Variants in CYP11A1 observed in about 807,000 individuals in gnomAD.
CYP11A1 encodes cholesterol side-chain cleavage enzyme, mitochondrial.
Under a neutral mutation model 51.9 loss-of-function variants are expected in CYP11A1, and 25 were observed. That is an observed-to-expected ratio of 0.48 (90% CI 0.35 to 0.67). CYP11A1 has a LOEUF of 0.67. CYP11A1 is among the 30% of genes least tolerant of loss of function. The pLI, the probability that CYP11A1 is intolerant of heterozygous loss-of-function variation, is 0.00. For missense variants in CYP11A1, 578 were observed against 680.9 expected, an observed-to-expected ratio of 0.85 and a Z score of 1.68; for synonymous variants, 245 against 262.1, an observed-to-expected ratio of 0.93 and a Z score of 0.63.
At chr15:74,366,956 TC>T in intron 1 of CYP11A1, 1 of 290,016 alleles carries the variant, frequency 3.4e-6, no homozygotes, top group Non-Finnish European at 6.6e-6. Flanking sequence ...TCTCAAGTGA[TC>T]CGCCCACCTC....
In CYP11A1 at chr15:74,367,358, A is replaced by AATC. The variant is rs2060739009; in HGVS notation, c.227_228insGAT (p.Leu76_His77insIle). On this transcript the variant is annotated inframe_insertion, in exon 1 of 9. Coordinates refer to ENST00000268053, the MANE Select transcript of CYP11A1 (RefSeq NM_000781.3). ...ACTTCTGGAAATTCTGGACATGGTG[A>AATC]AGGTGGACTTTGTGTGTGCCCGTCT... 6.2e-7 allele frequency: 1 copy of AATC among 1,614,008 alleles called. No homozygotes were observed. The highest frequency in any genetic ancestry group is 1.3e-5 in the African/African-American group (1 of 74,914).
chr15:74,346,534 G>C (rs538054913), intron 2 of CYP11A1, among the ~76,000 whole-genome samples: 51 of 152,114 alleles, frequency 3.4e-4, no homozygotes, highest in African/African-American at 1.2e-3. Context: ...GGGCATTTCA[G>C]TAGCTTTCTG....
At chr15:74,362,853 A>G (rs2060715368) in intron 1 of CYP11A1, 1 of 152,244 alleles carries the variant, frequency 6.6e-6, no homozygotes, top group African/African-American at 2.4e-5. Flanking sequence ...AGCCTTATAC[A>G]TGGATAAAGG....
rs2060595038 is a variant in CYP11A1 at position 74,339,317 on chromosome 15, T to C, written c.1158-2A>G. 4 of 1,614,060 alleles carry C rather than the reference T, an allele frequency of 2.5e-6. No individual in the cohort carries two copies. The highest frequency in any genetic ancestry group is 3.4e-6 in the Non-Finnish European group (4 of 1,179,886). ...AGGGTCACGGAGATGGGGTGAAGTC[T>C]GCGGGAGGAGGGCACTCAGAAGCTG... On this transcript the variant is annotated splice_acceptor_variant, in intron 6 of 8. Coordinates refer to ENST00000268053, the MANE Select transcript of CYP11A1 (RefSeq NM_000781.3). LOFTEE classifies it high-confidence loss of function.
rs777789264 is a variant in CYP11A1, at chr15:74,348,046, G to A, written c.279C>T (p.Leu93=). The change falls in exon 2 of 9, where the codon CTC becomes CTT. Residue 93 remains leucine, a synonymous_variant. Coordinates refer to ENST00000268053, the MANE Select transcript of CYP11A1 (RefSeq NM_000781.3). The stretch of plus-strand genomic sequence containing the variant: ...TGACATAAACCGACTCCACGTTGCC[G>A]AGCTTCTCCCTGGAGGGGTGGGGGA... The part of the protein sequence containing the change: ...QKYGPIYREK[L]GNVESVYVID... The A allele has an allele frequency of 3.7e-6, 6 of 1,613,976 alleles. No individual in the cohort carries two copies. The highest frequency in any genetic ancestry group is 1.7e-5 in the Admixed American group (1 of 59,998).
chr15:74,343,976 AATGACGTTAGTG>A lies in CYP11A1; in HGVS notation c.630_641del (p.Thr211_Ile214del). The A allele has an allele frequency of 1.9e-6, 3 of 1,613,992 alleles. No individual in the cohort carries two copies. Among genetic ancestry groups the A allele is most frequent in the Non-Finnish European group, 2.5e-6 (3 of 1,180,010 alleles). ...CCAGCATCCCCTGGCGCTCCCCAAA[AATGACGTTAGTG>A]ATGGCTGCAGGGAGAGGAAGAGGCT... On this transcript the variant is annotated inframe_deletion, in exon 4 of 9. Transcript: ENST00000268053.
At chr15:74,340,830 C>G (rs564853418) in intron 5 of CYP11A1, among the ~76,000 whole-genome samples, 207 of 152,184 alleles carry the variant, frequency 1.4e-3, no homozygotes, top group Non-Finnish European at 2.5e-3. Flanking sequence ...TGCTGCTCCC[C>G]AATACCCCAC....
chr15:74,366,460 T>TTTTATTTTA (rs1555426894), intron 1 of CYP11A1, among the ~76,000 whole-genome samples: 3 of 137,690 alleles, frequency 2.2e-5, no homozygotes, highest in African/African-American at 8.3e-5. Flanking sequence ...ATTTTTTTTA[T>TTTTATTTTA]TTTATTTATT....
At chr15:74,351,286 G>C (rs1483978512) in intron 1 of CYP11A1, among the ~76,000 whole-genome samples, 1 of 152,178 alleles carries the variant, frequency 6.6e-6, no homozygotes, top group Non-Finnish European at 1.5e-5. Context: ...GAATGAAAGG[G>C]AATAATTGCG....
intron 1 of CYP11A1, among the ~76,000 whole-genome samples, chr15:74,360,303 CAG>C (rs888148778): frequency 6.6e-6 from 1 of 151,930 alleles, no homozygotes; most frequent in African/African-American, 2.4e-5. Flanking sequence ...TTTGTTTTGA[CAG>C]AGTCTCACTC....
chr15:74,352,079 G>A (rs1321636839), intron 1 of CYP11A1, among the ~76,000 whole-genome samples: 1 of 152,034 alleles, frequency 6.6e-6, no homozygotes, highest in South Asian at 2.1e-4. Flanking sequence ...CTACCAAATT[G>A]CCTTATAAGT....
chr15:74,359,514 T>C (rs2060697028), intron 1 of CYP11A1: 1 of 152,224 alleles, frequency 6.6e-6, no homozygotes, highest in African/African-American at 2.4e-5. Context: ...CCTTAACTGA[T>C]GACATTACCT....
chr15:74,338,336 C>G (rs1406219511), intron 8 of CYP11A1: 1 of 704,326 alleles, frequency 1.4e-6, no homozygotes, highest in Non-Finnish European at 2.5e-6. Context: ...CCTATCCCAT[C>G]CCATCACCAC....
At chr15:74,341,290 T>G (rs1430361171) in intron 5 of CYP11A1, among the ~76,000 whole-genome samples, 4 of 152,184 alleles carry the variant, frequency 2.6e-5, no homozygotes, top group Non-Finnish European at 5.9e-5. Context: ...CGGTGAGTGA[T>G]TTTTGAAGAT....
In CYP11A1 at chr15:74,345,019, G is replaced by C; in HGVS notation, c.625+25C>G. 1 of 1,609,064 alleles carries C rather than the reference G, an allele frequency of 6.2e-7. No individual in the cohort carries two copies. Among genetic ancestry groups the C allele is most frequent in the Non-Finnish European group, 8.5e-7 (1 of 1,175,478 alleles). On this transcript the variant is annotated intron_variant, in intron 3 of 8. Transcript: ENST00000268053. This position sits in a 1 kb window ranked among gnomAD's most constrained non-coding sequence, Gnocchi z 4.3. ...GAGTCCTCCCACCCCCATGCCCACT[G>C]CCAGCCAGGTGCAAGCCCCCTTACA...
At position 74,345,729 on chromosome 15, in the gene CYP11A1, G is replaced by A. The variant is rs570348579; in HGVS notation, c.426-486C>T. On this transcript the variant is annotated intron_variant, in intron 2 of 8. Transcript: ENST00000268053. The surrounding 1 kb of genome is among the most constrained non-coding windows in gnomAD (Gnocchi z 4.3). ...ACACGTCCCATTACTCACTTCTGTC[G>A]GGGGACCTCAGGTGCCCCGAACTGG... is the stretch of plus-strand genomic sequence containing the variant. 6.6e-6 allele frequency among the ~76,000 whole-genome samples: 1 copy of A among 152,194 alleles called. No homozygotes were observed. The highest frequency in any genetic ancestry group is 1.5e-5 in the Non-Finnish European group (1 of 68,008).
At chr15:74,346,626 C>G (rs1487745394) in intron 2 of CYP11A1, among the ~76,000 whole-genome samples, 4 of 152,018 alleles carry the variant, frequency 2.6e-5, no homozygotes, top group Non-Finnish European at 2.9e-5. Context: ...GAGTATATAC[C>G]TGAAATCAAA....
rs1230887923 is a variant in CYP11A1, at chr15:74,367,436, C to G, written c.150G>C (p.Glu50Asp). The change falls in exon 1 of 9, where the codon GAG (glutamate) becomes GAC (aspartate). Residue 50 changes from glutamate to aspartate, a missense_variant. Coordinates refer to ENST00000268053, the MANE Select transcript of CYP11A1 (RefSeq NM_000781.3). ...ISTRSPRPFNEIPSPGDNGWL... is the reference protein window; with the variant it reads ...ISTRSPRPFNDIPSPGDNGWL... Reference sequence around the variant, plus strand: ...AGCCATTGTCACCAGGAGAGGGGATCTCATTGAAGGGGCGAGGACTGCGGG... The same window carrying G: ...AGCCATTGTCACCAGGAGAGGGGATGTCATTGAAGGGGCGAGGACTGCGGG... The G allele has an allele frequency of 6.2e-6, 10 of 1,614,104 alleles. No individual in the cohort carries two copies. In the Admixed American group the frequency reaches 1.0e-4, roughly 16 times the overall value.
At chr15:74,346,352 C>CA (rs1231496852) in intron 2 of CYP11A1, among the ~76,000 whole-genome samples, 3,370 of 83,438 alleles carry the variant, frequency 0.04, 147 homozygotes, top group African/African-American at 0.11. Context: ...GACTCTGCCT[C>CA]AAAAAAAAAA....
Sources: allele counts gnomAD v4.1 joint callset (sites outside exome capture counted in the v4.1 genomes callset), GRCh38; gene constraint gnomAD v4.1.1; non-coding constraint Gnocchi (gnomAD v3.1); transcripts MANE v1.5; gene names NCBI Gene and HGNC (gene_info 2026-07-23, HGNC 2026-07-21).